Variants in GMEB1 observed in about 807,000 individuals in gnomAD.
GMEB1 encodes the protein glucocorticoid modulatory element-binding protein 1.
A neutral mutation model predicts 52.4 loss-of-function variants in GMEB1; 6 were observed. The observed-to-expected ratio is 0.11, with a 90% CI of 0.06 to 0.23. The LOEUF is 0.23. GMEB1 is among the 10% of genes least tolerant of loss of function. The pLI is 1.00. For synonymous variants in GMEB1, 255 were observed against 244.9 expected, an observed-to-expected ratio of 1.04 and a Z score of -0.38; for missense variants, 486 against 685.6, an observed-to-expected ratio of 0.71 and a Z score of 3.25.
chr1:28,671,713 C>G (rs911059121), intron 1 of GMEB1, among the ~76,000 whole-genome samples: 1 of 151,150 alleles, frequency 6.6e-6, no homozygotes, highest in African/African-American at 2.4e-5. Context: ...CACTGCTCTC[C>G]GGCCTGGGTG....
At chr1:28,683,866 A>G in intron 2 of GMEB1, 126 bp downstream of exon 2, 1 of 836,452 alleles carries the variant, frequency 1.2e-6, no homozygotes, top group Non-Finnish European at 1.9e-6. Context: ...CTCAGTTTTC[A>G]TCTGTATAAT....
chr1:28,683,856 CT>C (rs1267627022), intron 2 of GMEB1, 116 bp downstream of exon 2: 3 of 976,856 alleles, frequency 3.1e-6, no homozygotes, highest in African/African-American at 3.3e-5. Flanking sequence ...TCAGAGCTGG[CT>C]CAGTTTTCAT....
rs71642243 is a variant in GMEB1 at position 28,680,661 on chromosome 1, G to A, written c.-30-2922G>A. 8.2e-3 allele frequency among the ~76,000 whole-genome samples: 1,249 copies of A among 151,990 alleles called. 10 individuals are homozygous for A. Among genetic ancestry groups the A allele is most frequent in the African/African-American group, 0.027 (1,103 of 41,434 alleles). On this transcript the variant is annotated intron_variant, in intron 1 of 9. Coordinates refer to ENST00000373816, the MANE Select transcript of GMEB1 (RefSeq NM_001319674.2). ...GAGGCAGGAGAATCGCTTGAACCTAGGAAAGGGAGGTGGTAGTGAGCTGAG... is the reference window on the plus strand; with the variant it reads ...GAGGCAGGAGAATCGCTTGAACCTAAGAAAGGGAGGTGGTAGTGAGCTGAG...
intron 8 of GMEB1, 37 bp from the exon 9 acceptor site, chr1:28,710,483 G>C: frequency 6.5e-7 from 1 of 1,537,936 alleles, no homozygotes; most frequent in Non-Finnish European, 8.8e-7. Context: ...GAACATATCT[G>C]TTTTAACTGG....
chr1:28,676,735 AAAT>A (rs1669168129), intron 1 of GMEB1, among the ~76,000 whole-genome samples: 1 of 148,974 alleles, frequency 6.7e-6, no homozygotes, highest in African/African-American at 2.6e-5. Flanking sequence ...AAAAAAAAAT[AAAT>A]AAATAAATAA....
At chr1:28,688,879 A>G (rs969114004) in intron 2 of GMEB1, among the ~76,000 whole-genome samples, 1 of 147,200 alleles carries the variant, frequency 6.8e-6, no homozygotes, top group Admixed American at 7.1e-5. Flanking sequence ...ATACTATGCC[A>G]TGGGCATTTA....
intron 3 of GMEB1, among the ~76,000 whole-genome samples, chr1:28,690,706 C>T (rs960276862): frequency 2.0e-5 from 3 of 152,128 alleles, no homozygotes; most frequent in African/African-American, 7.2e-5. Context: ...TCTGGTCGAG[C>T]GCAGTGGCTC....
At chr1:28,706,405 G>A (rs1670767849) in intron 8 of GMEB1, among the ~76,000 whole-genome samples, 1 of 151,990 alleles carries the variant, frequency 6.6e-6, no homozygotes. Context: ...AGGAAGTCAA[G>A]ACCAGCCTGG....
intron 2 of GMEB1, among the ~76,000 whole-genome samples, chr1:28,686,060 G>T (rs1172731291): frequency 6.6e-6 from 1 of 152,146 alleles, no homozygotes; most frequent in Non-Finnish European, 1.5e-5. Context: ...AAATTACTTG[G>T]CTGGGTGCAG....
At position 28,717,705 on chromosome 1, in the gene GMEB1, G is replaced by A. The variant is rs982862609; in HGVS notation, c.*2932G>A. Reference sequence around the variant, plus strand: ...TCTGTTGGTACATAAAAACAAAATTGCTGTCTCAGACTGAATCTACTTGAA... The same window carrying A: ...TCTGTTGGTACATAAAAACAAAATTACTGTCTCAGACTGAATCTACTTGAA... On this transcript the variant is annotated 3_prime_UTR_variant, in exon 10 of 10. Coordinates refer to ENST00000373816, the MANE Select transcript of GMEB1 (RefSeq NM_001319674.2). 1 of 152,076 alleles carries A rather than the reference G, an allele frequency of 6.6e-6. No homozygotes were observed. The highest frequency in any genetic ancestry group is 1.5e-5 in the Non-Finnish European group (1 of 68,016). The allele number at this position is 152,076 out of a possible 1,614,324, so 9.4% of individuals were successfully genotyped here.
chr1:28,688,903 C>CTTTTTTTTTTT (rs141260036), intron 2 of GMEB1, among the ~76,000 whole-genome samples: 2 of 144,288 alleles, frequency 1.4e-5, no homozygotes, highest in Non-Finnish European at 3.0e-5. Context: ...TTTTTTTTTT[C>CTTTTTTTTTTT]TTTTTTGAGA....
chr1:28,702,549 AAGACTC>A lies in GMEB1; in HGVS notation c.714_719del (p.Asp238_Ser239del), dbSNP rs2124556996. On this transcript the variant is annotated inframe_deletion, in exon 7 of 10. Transcript: ENST00000373816. Reference sequence around the variant, plus strand: ...ATGGCCACGGAGGAGGGTGTAAAGAAAGACTCAGAGGAAATTTCAGGTATTCTTCTA... The same window carrying A: ...ATGGCCACGGAGGAGGGTGTAAAGAAAGAGGAAATTTCAGGTATTCTTCTA... The A allele has an allele frequency of 1.2e-6, 2 of 1,613,716 alleles. No individual in the cohort carries two copies. Among genetic ancestry groups the A allele is most frequent in the Non-Finnish European group, 1.7e-6 (2 of 1,179,792 alleles).
intron 8 of GMEB1, among the ~76,000 whole-genome samples, chr1:28,706,898 C>T (rs1402425553): frequency 1.3e-5 from 2 of 150,958 alleles, no homozygotes; most frequent in African/African-American, 2.4e-5. Context: ...AATTCCTGAC[C>T]TCCGGTAATC....
chr1:28,705,431 G>A (rs941090018), intron 8 of GMEB1, among the ~76,000 whole-genome samples: 5 of 148,322 alleles, frequency 3.4e-5, no homozygotes, highest in African/African-American at 9.9e-5. Flanking sequence ...TCTCTCGCGC[G>A]ATATATGTAT....
At chr1:28,713,422 G>A (rs892826874) in intron 9 of GMEB1, among the ~76,000 whole-genome samples, 2 of 152,114 alleles carry the variant, frequency 1.3e-5, no homozygotes, top group Non-Finnish European at 2.9e-5. Context: ...AGTGATAGGC[G>A]TACTATAATG....
chr1:28,717,972 A>G lies in GMEB1; in HGVS notation c.*3199A>G, dbSNP rs1363455279. The G allele has an allele frequency of 1.3e-5, 2 of 152,170 alleles. No individual in the cohort carries two copies. The highest frequency in any genetic ancestry group is 4.8e-5 in the African/African-American group (2 of 41,448). 9.4% of individuals were successfully genotyped at this position (152,170 alleles called of 1,614,324 possible). Reference sequence around the variant, plus strand: ...CTAGATGAATTTTCCAGCTGGTGAAATACATGAGCTTTGTTGTTTTCCTGG... The same window carrying G: ...CTAGATGAATTTTCCAGCTGGTGAAGTACATGAGCTTTGTTGTTTTCCTGG... On this transcript the variant is annotated 3_prime_UTR_variant, in exon 10 of 10. Transcript: ENST00000373816.
chr1:28,700,643 C>T (rs1472275890), intron 6 of GMEB1, among the ~76,000 whole-genome samples: 1 of 151,240 alleles, frequency 6.6e-6, no homozygotes, highest in Non-Finnish European at 1.5e-5. Flanking sequence ...CGAGATCATG[C>T]CACTGTACTT....
At chr1:28,691,096 G>C (rs1044690547) in intron 3 of GMEB1, among the ~76,000 whole-genome samples, 3 of 152,134 alleles carry the variant, frequency 2.0e-5, no homozygotes, top group Admixed American at 6.6e-5. Flanking sequence ...TTCAAGACCA[G>C]CCTGGCCAAG....
At chr1:28,682,130 G>A (rs1230965678) in intron 1 of GMEB1, among the ~76,000 whole-genome samples, 1 of 152,112 alleles carries the variant, frequency 6.6e-6, no homozygotes, top group African/African-American at 2.4e-5. Context: ...ACTCTCTTAA[G>A]TGACTCTCTC....
Sources: allele counts gnomAD v4.1 joint callset (sites outside exome capture counted in the v4.1 genomes callset), GRCh38; gene constraint gnomAD v4.1.1; transcripts MANE v1.5; gene names NCBI Gene and HGNC (gene_info 2026-07-23, HGNC 2026-07-21).